NUDT12: variants seen among roughly 807,000 people sequenced by gnomAD.
NUDT12 encodes the protein NAD-capped RNA hydrolase NUDT12.
In NUDT12, 42 loss-of-function variants were observed where a neutral mutation model predicts 45.7. That is an observed-to-expected ratio of 0.92 (90% confidence interval 0.72 to 1.19). The LOEUF (loss-of-function observed/expected upper bound fraction) is 1.19, where lower values mean the gene tolerates loss of function less well. NUDT12 is among the 50% of genes most tolerant of loss of function. NUDT12 has a pLI of 0.00. For missense variants in NUDT12, 590 were observed against 533.1 expected, an observed-to-expected ratio of 1.11 and a Z score of -1.05; for synonymous variants, 206 against 179.7, an observed-to-expected ratio of 1.15 and a Z score of -1.17.
intron 5 of NUDT12, 137 bp downstream of exon 5, chr5:103,554,603 T>C: frequency 2.7e-6 from 1 of 374,792 alleles, no homozygotes. Flanking sequence ...ATTATTAAAA[T>C]TGTATCATTT....
rs536962766 is a variant in NUDT12, at chr5:103,558,814, C to T, written c.796+65G>A. 71 of 1,118,692 alleles carry T rather than the reference C, an allele frequency of 6.3e-5. 1 individual carries two copies. In the South Asian group the frequency reaches 1.0e-3, roughly 16 times the overall value. 69.3% of individuals were successfully genotyped at this position (1,118,692 alleles called of 1,614,324 possible). On this transcript the variant is annotated intron_variant, in intron 3 of 6. Transcript: ENST00000230792. ...AGAGTGCCCCTGGAAAGTGCAAATA[C>T]ATACAACTCCAACTCAAGTCTAAAA... is the stretch of plus-strand genomic sequence containing the variant.
At chr5:103,552,546 T>C in intron 5 of NUDT12, 130 bp from the exon 6 acceptor site, 2 of 654,734 alleles carry the variant, frequency 3.1e-6, no homozygotes, top group South Asian at 4.2e-5. Context: ...AGCAGAAGCC[T>C]AAAACTAGAC....
At chr5:103,554,243 T>A (rs1748741829) in intron 5 of NUDT12, among the ~76,000 whole-genome samples, 1 of 152,056 alleles carries the variant, frequency 6.6e-6, no homozygotes, top group South Asian at 2.1e-4. Flanking sequence ...CCTGTGCTTA[T>A]GAAACTTATA....
At position 103,558,902 on chromosome 5, in the gene NUDT12, A is replaced by G; in HGVS notation, c.773T>C (p.Leu258Pro). Residue 258 changes from leucine to proline, a missense_variant, in exon 3 of 7, where the codon CTG becomes CCG. Coordinates refer to ENST00000230792, the MANE Select transcript of NUDT12 (RefSeq NM_031438.4). ...ACCAGCTTCTTTTTCTTTCAATTGC[A>G]GAAGGGCTGGCATAGGAGGATGAAG... Reference protein sequence around the residue: ...YFLHPPMPALLQLKEKEAGVV... With the variant: ...YFLHPPMPALPQLKEKEAGVV... 4 of 1,570,058 alleles carry G rather than the reference A, an allele frequency of 2.5e-6. No individual in the cohort carries two copies. The highest frequency in any genetic ancestry group is 2.6e-6 in the Non-Finnish European group (3 of 1,163,518).
At position 103,549,182 on chromosome 5, in the gene NUDT12, G is replaced by A. The variant is rs1748576003; in HGVS notation, c.*1679C>T. Reference sequence around the variant, plus strand: ...TGCAAGTATTAAAAGTACATTTAGAGTAAAACTGAATTTCAAGATGCTCTA... The same window carrying A: ...TGCAAGTATTAAAAGTACATTTAGAATAAAACTGAATTTCAAGATGCTCTA... On this transcript the variant is annotated 3_prime_UTR_variant, in exon 7 of 7. Transcript: ENST00000230792. The A allele has an allele frequency of 6.6e-6, 1 of 151,990 alleles. No homozygotes were observed. Among genetic ancestry groups the A allele is most frequent in the South Asian group, 2.1e-4 (1 of 4,828 alleles). 9.4% of individuals were successfully genotyped at this position (151,990 alleles called of 1,614,324 possible). A position where few individuals can be genotyped will look rare whatever the true frequency, so the allele number is the denominator to read the frequency against.
At position 103,560,020 on chromosome 5, in the gene NUDT12, G is replaced by A. The variant is rs780901495; in HGVS notation, c.206+23C>T. The A allele has an allele frequency of 5.2e-6, 8 of 1,533,538 alleles. No homozygotes were observed. In the South Asian group the frequency reaches 6.7e-5, roughly 13 times the overall value. The allele number at this position is 1,533,538 out of a possible 1,614,324, so 95.0% of individuals were successfully genotyped here. A position where few individuals can be genotyped will look rare whatever the true frequency, so the allele number is the denominator to read the frequency against. ...GAAATTAAACCACAAACCCTTTCAGGTGGTACAGCCTAAAATGTTTACCCT... is the reference window on the plus strand; with the variant it reads ...GAAATTAAACCACAAACCCTTTCAGATGGTACAGCCTAAAATGTTTACCCT... On this transcript the variant is annotated intron_variant, in intron 2 of 6. Coordinates refer to ENST00000230792, the MANE Select transcript of NUDT12 (RefSeq NM_031438.4).
In NUDT12 at chr5:103,554,813, G is replaced by A; in HGVS notation, c.1005C>T (p.Thr335=). 1 of 1,564,162 alleles carries A rather than the reference G, an allele frequency of 6.4e-7. No individual in the cohort carries two copies. The highest frequency in any genetic ancestry group is 8.7e-7 in the Non-Finnish European group (1 of 1,149,856). Residue 335 remains threonine (T), a synonymous_variant, in exon 5 of 7, where the codon ACC becomes ACT. Transcript: ENST00000230792. ...VIMQVIHPDG[T]KCLLGRQKRF... is the part of the protein sequence containing the mutation. Reference sequence around the variant, plus strand: ...TTTTCTGCCTGCCTAAAAGGCATTTGGTCCCATCTGGATGAATAACTTGCA... The same window carrying A: ...TTTTCTGCCTGCCTAAAAGGCATTTAGTCCCATCTGGATGAATAACTTGCA...
intron 1 of NUDT12, among the ~76,000 whole-genome samples, chr5:103,562,439 C>A (rs1425921129): frequency 6.6e-6 from 1 of 152,150 alleles, no homozygotes; most frequent in Non-Finnish European, 1.5e-5. Context: ...TGAAATCACA[C>A]CCTAAGTAGC....
rs1484138195 is a variant in NUDT12, at chr5:103,559,462, G to A, written c.213C>T (p.Asp71=). Residue 71 remains aspartate (D), a synonymous_variant, in exon 3 of 7, where the codon GAC becomes GAT. Coordinates refer to ENST00000230792, the MANE Select transcript of NUDT12 (RefSeq NM_031438.4). ...GCCTTGATTTATTGACAATTGATCTGTCACACCTATAGATGGAAGAAAAAA... is the reference window on the plus strand; with the variant it reads ...GCCTTGATTTATTGACAATTGATCTATCACACCTATAGATGGAAGAAAAAA... ...IVQFLLEKGC[D]RSIVNKSRQT... The A allele has an allele frequency of 2.0e-6, 3 of 1,486,064 alleles. No individual in the cohort carries two copies. Among genetic ancestry groups the A allele is most frequent in the Non-Finnish European group, 1.8e-6 (2 of 1,117,260 alleles). 92.1% of individuals were successfully genotyped at this position (1,486,064 alleles called of 1,614,324 possible).
chr5:103,551,121 GT>G (rs370123789), intron 6 of NUDT12, 150 bp from the exon 7 acceptor site: 19,016 of 476,372 alleles, frequency 0.04, no homozygotes, highest in South Asian at 0.056. Context: ...TACATGCAAA[GT>G]TTTTTTTTTT....
In NUDT12 at chr5:103,560,155, G is replaced by A. The variant is rs779492699; in HGVS notation, c.94C>T (p.Leu32Phe). The A allele has an allele frequency of 3.1e-6, 5 of 1,613,402 alleles. No homozygotes were observed. Among genetic ancestry groups the A allele is most frequent in the Admixed American group, 1.7e-5 (1 of 60,004 alleles). Residue 32 changes from leucine to phenylalanine, a missense_variant, in exon 2 of 7, where the codon CTC becomes TTC. Physicochemically the swap from Leu to Phe is conservative, Grantham distance 22. Coordinates refer to ENST00000230792, the MANE Select transcript of NUDT12 (RefSeq NM_031438.4). ...TTGAGAAGAGATGGAGAATGACTGA[G>A]TATTCCTGTTAACTTGGCAATATCT... is the stretch of plus-strand genomic sequence containing the variant. ...EGDIAKLTGI[L>F]SHSPSLLNET... is the part of the protein sequence containing the mutation.
chr5:103,555,637 T>C (rs1004413249), intron 4 of NUDT12, among the ~76,000 whole-genome samples: 1 of 151,998 alleles, frequency 6.6e-6, no homozygotes, highest in Admixed American at 6.6e-5. Context: ...AGGCAATAAA[T>C]TGTACTTAGT....
rs778823478 is a variant in NUDT12, at chr5:103,559,177, T to C, written c.498A>G (p.Lys166=). 9.0e-6 allele frequency: 14 copies of C among 1,557,108 alleles called. No homozygotes were observed. In the Admixed American group the frequency reaches 2.8e-4, roughly 31 times the overall value. Reference sequence around the variant, plus strand: ...TAACTTCTGGCTGTTGGAAACTTTCTTTATTGCCACCTAGAGTAACCAAGG... The same window carrying C: ...TAACTTCTGGCTGTTGGAAACTTTCCTTATTGCCACCTAGAGTAACCAAGG... ...LNPLVTLGGN[K]ESFQQPEVRL... The change falls in exon 3 of 7, where the codon AAA becomes AAG. Residue 166 remains lysine, a synonymous_variant. Coordinates refer to ENST00000230792, the MANE Select transcript of NUDT12 (RefSeq NM_031438.4).
At chr5:103,560,409 A>C (rs1748997736) in intron 1 of NUDT12, among the ~76,000 whole-genome samples, 155 bp from the exon 2 acceptor site, 1 of 152,226 alleles carries the variant, frequency 6.6e-6, no homozygotes, top group Non-Finnish European at 1.5e-5. Context: ...TTCAATTTCA[A>C]AATGTTATCA....
chr5:103,558,335 C>T (rs1177719426), intron 3 of NUDT12, among the ~76,000 whole-genome samples: 1 of 152,096 alleles, frequency 6.6e-6, no homozygotes, highest in Non-Finnish European at 1.5e-5. Context: ...CTAACTCAAG[C>T]CATTGCAATC....
chr5:103,556,283 AT>A (rs915287537), intron 3 of NUDT12, among the ~76,000 whole-genome samples, 185 bp from the exon 4 acceptor site: 2 of 148,530 alleles, frequency 1.3e-5, no homozygotes, highest in Non-Finnish European at 3.0e-5. Flanking sequence ...CAAAAATTAG[AT>A]TTTTTTGTTT....
Position 103,554,847 on chromosome 5 carries a change from ACTGGATCTGTTG to A in NUDT12, c.965-6_970del. 1.4e-6 allele frequency: 2 copies of A among 1,451,608 alleles called. No homozygotes were observed. Among genetic ancestry groups the A allele is most frequent in the Non-Finnish European group, 1.9e-6 (2 of 1,074,078 alleles). The allele number at this position is 1,451,608 out of a possible 1,614,324, so 89.9% of individuals were successfully genotyped here. Reference sequence around the variant, plus strand: ...TGGATGAATAACTTGCATGATTACTACTGGATCTGTTGAAAAAAAAAATCAGATACATGAATG... The same window carrying A: ...TGGATGAATAACTTGCATGATTACTAAAAAAAAAAATCAGATACATGAATG... On this transcript the variant is annotated splice_acceptor_variant and splice_polypyrimidine_tract_variant and coding_sequence_variant and intron_variant, in exon 5 of 7. Coordinates refer to ENST00000230792, the MANE Select transcript of NUDT12 (RefSeq NM_031438.4). LOFTEE classifies it high-confidence loss of function.
chr5:103,556,787 A>G (rs1248125915), intron 3 of NUDT12, among the ~76,000 whole-genome samples: 1 of 152,140 alleles, frequency 6.6e-6, no homozygotes, highest in African/African-American at 2.4e-5. Flanking sequence ...CAATAAGACT[A>G]GAAATGCTAT....
At chr5:103,558,800 G>A in intron 3 of NUDT12, 79 bp downstream of exon 3, 4 of 943,244 alleles carry the variant, frequency 4.2e-6, no homozygotes, top group South Asian at 3.6e-5. Flanking sequence ...GAGTGCCCCT[G>A]GAAAGTGCAA....
Sources: allele counts gnomAD v4.1 joint callset (sites outside exome capture counted in the v4.1 genomes callset), GRCh38; gene constraint gnomAD v4.1.1; transcripts MANE v1.5; gene names NCBI Gene and HGNC (gene_info 2026-07-23, HGNC 2026-07-21).